BRDT: variants seen among roughly 807,000 people sequenced by gnomAD.
BRDT encodes bromodomain testis associated, also known as bromodomain testis-specific protein.
A neutral mutation model predicts 113.9 loss-of-function variants in BRDT; 77 were observed. That is an observed-to-expected ratio of 0.68 (90% CI 0.56 to 0.82). The LOEUF (loss-of-function observed/expected upper bound fraction) is 0.82, where lower values mean the gene tolerates loss of function less well. Among genes scored for constraint, BRDT ranks in the 40% least tolerant of loss-of-function variants. The probability of loss-of-function intolerance (pLI) is 0.00; values close to 1 mark genes in which losing one functional copy is unlikely to be tolerated. For synonymous variants in BRDT, 358 were observed against 366.5 expected (o/e 0.98, Z 0.26); for missense variants, 1,027 against 1,105.4 (o/e 0.93, Z 1.01).
intron 13 of BRDT, 47 bp downstream of exon 13, chr1:91,991,292 C>A (rs755245232): frequency 4.8e-5 from 55 of 1,137,450 alleles, no homozygotes; most frequent in Admixed American, 6.7e-5. Flanking sequence ...GTATGTATAA[C>A]TCATGGGTAT....
At position 91,962,810 on chromosome 1, in the gene BRDT, A is replaced by G; in HGVS notation, c.56A>G (p.Tyr19Cys). Residue 19 changes from tyrosine (Y) to cysteine (C), a missense_variant, in exon 2 of 19, where the codon TAT (tyrosine) becomes TGT (cysteine). Tyr to Cys is a radical substitution (Grantham distance 194). Transcript: ENST00000399546. ...ATTGTTAACCCTCCTCCACCAGAAT[A>G]TATAAATACTAAGAAAAATGGGCGA... ...AIIVNPPPPE[Y>C]INTKKNGRLT... 4 of 1,612,122 alleles carry G rather than the reference A, an allele frequency of 2.5e-6. No individual in the cohort carries two copies. Among genetic ancestry groups the G allele is most frequent in the Non-Finnish European group, 3.4e-6 (4 of 1,179,428 alleles).
chr1:91,959,543 C>CA (rs1349474229), intron 1 of BRDT, among the ~76,000 whole-genome samples: 7 of 151,584 alleles, frequency 4.6e-5, no homozygotes, highest in African/African-American at 7.3e-5. Context: ...TGCAGTGGCA[C>CA]AATCTGAGCT....
At chr1:92,012,749 A>T (rs1468448782) in intron 18 of BRDT, among the ~76,000 whole-genome samples, 1 of 151,652 alleles carries the variant, frequency 6.6e-6, no homozygotes, top group African/African-American at 2.4e-5. Flanking sequence ...CATCTCTACT[A>T]AAACTACAAG....
Position 91,991,088 on chromosome 1 carries a change from T to C in BRDT, c.2003-96T>C, listed in dbSNP as rs1016989423. ...CTGGGATTACAGGCATGAGCCACTG[T>C]GCCCAGCCCCCACTGTGTTTCTAAT... On this transcript the variant is annotated intron_variant, in intron 12 of 18. Coordinates refer to ENST00000399546, the MANE Select transcript of BRDT (RefSeq NM_207189.4). 2.9e-5 allele frequency: 21 copies of C among 724,078 alleles called. No homozygotes were observed. The African/African-American group carries it at 3.5e-4, about 12-fold the overall frequency. 44.9% of individuals were successfully genotyped at this position (724,078 alleles called of 1,614,324 possible).
intron 1 of BRDT, among the ~76,000 whole-genome samples, chr1:91,961,503 T>C (rs1197889440): frequency 1.3e-5 from 2 of 151,716 alleles, no homozygotes; most frequent in African/African-American, 2.4e-5. Context: ...GTGTCATGCA[T>C]CTGTAGTCGC....
chr1:91,958,361 G>T (rs551992727), intron 1 of BRDT, among the ~76,000 whole-genome samples: 1 of 151,794 alleles, frequency 6.6e-6, no homozygotes, highest in South Asian at 2.1e-4. Context: ...GATTACAAGC[G>T]TTCACTGCCA....
intron 18 of BRDT, among the ~76,000 whole-genome samples, chr1:92,013,149 C>T (rs1687952774): frequency 6.8e-6 from 1 of 147,166 alleles, no homozygotes; most frequent in Non-Finnish European, 1.5e-5. Context: ...ACCCAGGAGG[C>T]GGAGGTTGCA....
intron 4 of BRDT, among the ~76,000 whole-genome samples, chr1:91,971,789 A>G (rs999288948): frequency 7.9e-5 from 12 of 152,338 alleles, no homozygotes; most frequent in Middle Eastern, 3.4e-3. Context: ...GCAAAGGCCT[A>G]TAACAGATCC....
At chr1:91,971,224 G>T (rs1236828863) in intron 4 of BRDT, among the ~76,000 whole-genome samples, 4 of 152,136 alleles carry the variant, frequency 2.6e-5, no homozygotes, top group Admixed American at 2.6e-4. Context: ...CACCCCTCAT[G>T]ACCCAAACAC....
At chr1:91,983,271 T>C (rs1470650559) in intron 12 of BRDT, among the ~76,000 whole-genome samples, 1 of 150,198 alleles carries the variant, frequency 6.7e-6, no homozygotes, top group African/African-American at 2.4e-5. Flanking sequence ...ATCTTTTTTT[T>C]TTTTTTTTTT....
chr1:91,991,749 T>C (rs1685770782), intron 13 of BRDT, among the ~76,000 whole-genome samples: 1 of 152,006 alleles, frequency 6.6e-6, no homozygotes, highest in South Asian at 2.1e-4. Context: ...TCCCAGCACT[T>C]TGGGAGGCCG....
chr1:91,981,254 C>T lies in BRDT; in HGVS notation c.1751-14C>T. 6.2e-7 allele frequency: 1 copy of T among 1,612,512 alleles called. No homozygotes were observed. The highest frequency in any genetic ancestry group is 8.5e-7 in the Non-Finnish European group (1 of 1,179,114). ...TTTGGTTATACTCACTTTCTTCCCTCCTAAATCACACAGCTAAGAAAATAA... is the reference window on the plus strand; with the variant it reads ...TTTGGTTATACTCACTTTCTTCCCTTCTAAATCACACAGCTAAGAAAATAA... On this transcript the variant is annotated splice_polypyrimidine_tract_variant and intron_variant, in intron 10 of 18. Coordinates refer to ENST00000399546, the MANE Select transcript of BRDT (RefSeq NM_207189.4).
intron 1 of BRDT, among the ~76,000 whole-genome samples, chr1:91,958,235 A>T (rs201030631): frequency 2.6e-3 from 74 of 28,326 alleles, no homozygotes; most frequent in African/African-American, 3.9e-3. Flanking sequence ...TTTTTTTTTT[A>T]AAAGGAGTCT....
At chr1:91,967,329 C>T (rs762828017) in intron 3 of BRDT, among the ~76,000 whole-genome samples, 3 of 151,444 alleles carry the variant, frequency 2.0e-5, no homozygotes, top group Admixed American at 6.6e-5. Flanking sequence ...CTCCACCTCC[C>T]GGTTCAAGCA....
At chr1:92,008,993 G>C (rs566177567) in intron 18 of BRDT, among the ~76,000 whole-genome samples, 1 of 152,198 alleles carries the variant, frequency 6.6e-6, no homozygotes, top group East Asian at 1.9e-4. Context: ...CTATTCTTTA[G>C]TAATTTTTTA....
intron 18 of BRDT, among the ~76,000 whole-genome samples, chr1:92,006,867 G>A (rs1209606854): frequency 2.7e-5 from 4 of 149,240 alleles, no homozygotes; most frequent in African/African-American, 7.4e-5. Context: ...GGCTCACTGC[G>A]ACCTCTGCCT....
chr1:91,983,020 G>A (rs1298008293), intron 12 of BRDT, among the ~76,000 whole-genome samples: 1 of 152,088 alleles, frequency 6.6e-6, no homozygotes, highest in Non-Finnish European at 1.5e-5. Flanking sequence ...TACTGTTCCT[G>A]TTAGTTTGAA....
At chr1:91,979,029 A>AAC (rs1318097576) in intron 7 of BRDT, among the ~76,000 whole-genome samples, 16 of 140,480 alleles carry the variant, frequency 1.1e-4, no homozygotes, top group East Asian at 6.3e-4. Context: ...ACAACAACAA[A>AAC]AAAAACCCTA....
At chr1:91,991,777 A>G (rs10875117) in intron 13 of BRDT, among the ~76,000 whole-genome samples, 118,548 of 151,590 alleles carry the variant, frequency 0.78, 47,188 homozygotes, top group Non-Finnish European at 0.86. Context: ...CAGATCATGA[A>G]GTCAGGAGAT....
Sources: gnomAD v4.1 joint callset for allele counts (sites outside exome capture counted in the v4.1 genomes callset) on GRCh38, gnomAD v4.1.1 for gene constraint, MANE v1.5 for transcripts, NCBI Gene and HGNC (gene_info 2026-07-23, HGNC 2026-07-21) for gene names.